MARCHF1: variants seen among roughly 807,000 people sequenced by gnomAD.
MARCHF1 encodes membrane associated ring-CH-type finger 1.
A neutral mutation model predicts 54.2 loss-of-function variants in MARCHF1; 40 were observed. The observed-to-expected ratio is 0.74, with a 90% CI of 0.57 to 0.96. MARCHF1 has a LOEUF of 0.96. MARCHF1 is among the 40% of genes least tolerant of loss of function. The probability of loss-of-function intolerance (pLI) is 0.00; values close to 1 mark genes in which losing one functional copy is unlikely to be tolerated. For synonymous variants in MARCHF1, 236 were observed against 236.3 expected (o/e 1.00, Z 0.01); for missense variants, 586 against 656.5 (o/e 0.89, Z 1.17).
chr4:163,868,631 C>T (rs1750105806), intron 3 of MARCHF1, among the ~76,000 whole-genome samples: 1 of 151,742 alleles, frequency 6.6e-6, no homozygotes, highest in Admixed American at 6.6e-5. Context: ...ACTTTGGAGC[C>T]GATCCCATGA....
At chr4:163,560,177 G>A (rs1739423623) in intron 8 of MARCHF1, among the ~76,000 whole-genome samples, 2 of 152,038 alleles carry the variant, frequency 1.3e-5, no homozygotes, top group South Asian at 2.1e-4. Context: ...TTTCTCCTTC[G>A]TTTTCTTGTA....
At chr4:164,240,700 C>T (rs1014360302) in intron 1 of MARCHF1, among the ~76,000 whole-genome samples, 2 of 152,020 alleles carry the variant, frequency 1.3e-5, no homozygotes, top group Non-Finnish European at 2.9e-5. Context: ...AAGCTAACTG[C>T]CCTGGCTCAT....
intron 1 of MARCHF1, among the ~76,000 whole-genome samples, chr4:164,204,721 T>C (rs1483323882): frequency 6.6e-6 from 1 of 152,158 alleles, no homozygotes; most frequent in Non-Finnish European, 1.5e-5. Flanking sequence ...GTGAAAAGAA[T>C]GTCAAAGGTA....
chr4:163,917,650 G>A (rs1751339300), intron 3 of MARCHF1, among the ~76,000 whole-genome samples: 2 of 151,962 alleles, frequency 1.3e-5, no homozygotes, highest in Non-Finnish European at 2.9e-5. Context: ...CAGGGTACAT[G>A]TGCAGGATGT....
chr4:164,185,809 C>CA (rs33914299), intron 1 of MARCHF1, among the ~76,000 whole-genome samples: 11,153 of 149,342 alleles, frequency 0.075, 478 homozygotes, highest in Middle Eastern at 0.15. Context: ...CACACACACA[C>CA]AAAAAAAAAA....
chr4:163,636,375 C>T (rs1742324648), intron 5 of MARCHF1, among the ~76,000 whole-genome samples: 1 of 143,116 alleles, frequency 7.0e-6, no homozygotes, highest in Non-Finnish European at 1.5e-5. Context: ...TCTCCTTAAG[C>T]TGATAAGCAA....
At chr4:163,639,194 T>C (rs1420824727) in intron 5 of MARCHF1, among the ~76,000 whole-genome samples, 1 of 152,168 alleles carries the variant, frequency 6.6e-6, no homozygotes, top group Non-Finnish European at 1.5e-5. Flanking sequence ...TAACCACAAA[T>C]GGGACACAGA....
intron 4 of MARCHF1, among the ~76,000 whole-genome samples, chr4:163,836,564 G>A (rs13147897): frequency 0.95 from 41,219 of 43,424 alleles, 19,867 homozygotes; most frequent in Middle Eastern, 1. Flanking sequence ...TTTGATACAC[G>A]TTTACTCTAC....
chr4:163,919,518 CTA>C (rs1346359524), intron 3 of MARCHF1, among the ~76,000 whole-genome samples: 2 of 151,760 alleles, frequency 1.3e-5, no homozygotes, highest in East Asian at 3.8e-4. Context: ...TTCTTTCTCT[CTA>C]TATTACTGTA....
chr4:164,295,305 T>C (rs1401314327), intron 1 of MARCHF1, among the ~76,000 whole-genome samples: 2 of 152,208 alleles, frequency 1.3e-5, no homozygotes, highest in African/African-American at 4.8e-5. Flanking sequence ...TCTCCTGTTT[T>C]CAGAAAGAAA....
In MARCHF1 at chr4:163,707,478, G is replaced by A. The variant is rs192789145; in HGVS notation, c.112-6615C>T. Among the ~76,000 whole-genome samples, 11 of 152,048 alleles carry A rather than the reference G, an allele frequency of 7.2e-5. No homozygotes were observed. In the East Asian group the frequency reaches 2.1e-3, roughly 29 times the overall value. ...TATGGCAAGATGCTCAAAATCACGAGCAGTCAGAAAAATGTAAATTAAAGT... is the reference window on the plus strand; with the variant it reads ...TATGGCAAGATGCTCAAAATCACGAACAGTCAGAAAAATGTAAATTAAAGT... On this transcript the variant is annotated intron_variant, in intron 4 of 9. Coordinates refer to ENST00000514618, the MANE Select transcript of MARCHF1 (RefSeq NM_001394959.1).
chr4:164,309,661 TTC>T (rs2111421059), intron 1 of MARCHF1, among the ~76,000 whole-genome samples: 1 of 152,346 alleles, frequency 6.6e-6, no homozygotes, highest in South Asian at 2.1e-4. Flanking sequence ...TATTTCTATG[TTC>T]TGTTTATCAC....
intron 1 of MARCHF1, among the ~76,000 whole-genome samples, chr4:164,248,058 A>G (rs1393931720): frequency 6.6e-6 from 1 of 151,818 alleles, no homozygotes; most frequent in East Asian, 1.9e-4. Flanking sequence ...AAAGATTATA[A>G]AATTGAAGTT....
intron 1 of MARCHF1, among the ~76,000 whole-genome samples, chr4:164,151,183 T>C (rs986432403): frequency 2.6e-5 from 4 of 152,170 alleles, no homozygotes; most frequent in Non-Finnish European, 1.5e-5. Flanking sequence ...TTTAAGACAA[T>C]GTATGCAATA....
At chr4:164,319,313 T>C (rs1300661090) in intron 1 of MARCHF1, among the ~76,000 whole-genome samples, 1 of 152,108 alleles carries the variant, frequency 6.6e-6, no homozygotes, top group African/African-American at 2.4e-5. Context: ...CCATTTTATA[T>C]AAGGAACATA....
rs554489430 is a variant in MARCHF1, at chr4:164,332,612, T to C, written c.-323+51258A>G. ...AGGGTGCAGAAAAGATCAGTTTTAC[T>C]GCATTTCAAATTTACTTTAGGGCTG... On this transcript the variant is annotated intron_variant, in intron 1 of 9. Coordinates refer to ENST00000514618, the MANE Select transcript of MARCHF1 (RefSeq NM_001394959.1). Among the ~76,000 whole-genome samples the C allele has an allele frequency of 2.3e-4, 28 of 123,828 alleles. No individual in the cohort carries two copies. The East Asian group carries it at 2.7e-3, about 12-fold the overall frequency. 81.2% of individuals were successfully genotyped at this position (123,828 alleles called of 152,430 possible). A position where few individuals can be genotyped will look rare whatever the true frequency, so the allele number is the denominator to read the frequency against.
chr4:163,865,033 G>C (rs1332090547), intron 3 of MARCHF1, among the ~76,000 whole-genome samples: 1 of 151,948 alleles, frequency 6.6e-6, no homozygotes. Context: ...CTTAAAATAA[G>C]CCAGGTTCCA....
chr4:163,690,432 T>G (rs1410101239), intron 5 of MARCHF1, among the ~76,000 whole-genome samples: 1 of 152,186 alleles, frequency 6.6e-6, no homozygotes, highest in East Asian at 1.9e-4. Flanking sequence ...CTTTAGACAC[T>G]GACAATAGTT....
chr4:163,883,127 C>G (rs1750452349), intron 3 of MARCHF1, among the ~76,000 whole-genome samples: 1 of 152,014 alleles, frequency 6.6e-6, no homozygotes, highest in Non-Finnish European at 1.5e-5. Flanking sequence ...GGGAGTTGCT[C>G]CCTTTGTTAA....
Sources: allele counts gnomAD v4.1 joint callset (sites outside exome capture counted in the v4.1 genomes callset), GRCh38; gene constraint gnomAD v4.1.1; transcripts MANE v1.5; gene names NCBI Gene and HGNC (gene_info 2026-07-23, HGNC 2026-07-21).